Variants in ARL13B observed in about 807,000 individuals in gnomAD.
ARL13B encodes the protein ARF like GTPase 13B, also known as ADP-ribosylation factor-like protein 13B.
In ARL13B, 36 loss-of-function variants were observed where a neutral mutation model predicts 56.1. That is an observed-to-expected ratio of 0.64 (90% CI 0.49 to 0.85). The LOEUF (loss-of-function observed/expected upper bound fraction) is 0.85. Among genes scored for constraint, ARL13B ranks in the 40% least tolerant of loss-of-function variants. The pLI is 0.00. For missense variants in ARL13B, 519 were observed against 507.1 expected (o/e 1.02, Z -0.23); for synonymous variants, 178 against 171.1 (o/e 1.04, Z -0.32).
chr3:94,004,884 G>A (rs949981665), intron 3 of ARL13B, among the ~76,000 whole-genome samples: 1 of 152,024 alleles, frequency 6.6e-6, no homozygotes, highest in African/African-American at 2.4e-5. Flanking sequence ...TTTTAACAGG[G>A]ATATGTATGA....
At chr3:94,024,582 C>G (rs35775946) in intron 3 of ARL13B, among the ~76,000 whole-genome samples, 1 of 151,900 alleles carries the variant, frequency 6.6e-6, no homozygotes, top group Non-Finnish European at 1.5e-5. Context: ...CTTTTTTGGG[C>G]GTGTTGTTTT....
chr3:93,994,433 G>T (rs79950990), intron 1 of ARL13B, among the ~76,000 whole-genome samples: 1,331 of 124,630 alleles, frequency 0.011, 22 homozygotes, highest in African/African-American at 0.038. Flanking sequence ...GCTCTACTCT[G>T]TTTTTTTCCC....
At position 94,039,939 on chromosome 3, in the gene ARL13B, A is replaced by G. The variant is rs1355555359; in HGVS notation, c.749A>G (p.Asp250Gly). ...LDGTSGLAEL[D>G]PEPTNPFQPI... ...GGAACCAGTGGTCTGGCTGAGTTGG[A>G]CCCAGAACCAACGAATCCTTTCCAG... Residue 250 changes from aspartate to glycine, a missense_variant, in exon 6 of 10, where the codon GAC becomes GGC. Transcript: ENST00000394222. 2.5e-6 allele frequency: 4 copies of G among 1,614,002 alleles called. No individual in the cohort carries two copies. The East Asian group carries it at 6.7e-5, about 27-fold the overall frequency.
chr3:94,043,043 A>G lies in ARL13B; in HGVS notation c.827A>G (p.Lys276Arg). ...GAAGGAAAACTTGAAAGAGAGAAAA[A>G]AAACCAAAAAATGGAGAAAGACAGT... ...ENEGKLEREKKNQKMEKDSDG... is the reference protein window; with the variant it reads ...ENEGKLEREKRNQKMEKDSDG... The change falls in exon 7 of 10, where the codon AAA (lysine) becomes AGA (arginine). Residue 276 changes from lysine (K) to arginine (R), a missense_variant. Coordinates refer to ENST00000394222, the MANE Select transcript of ARL13B (RefSeq NM_001174150.2). The G allele has an allele frequency of 6.2e-7, 1 of 1,610,930 alleles. No individual in the cohort carries two copies. Among genetic ancestry groups the G allele is most frequent in the African/African-American group, 1.3e-5 (1 of 74,770 alleles).
At chr3:93,988,786 A>AG in intron 1 of ARL13B, 2 of 341,634 alleles carry the variant, frequency 5.9e-6, no homozygotes, top group African/African-American at 5.3e-5. Flanking sequence ...ATTTGTTTGC[A>AG]TTTTTTTTTT....
intron 2 of ARL13B, among the ~76,000 whole-genome samples, chr3:94,000,934 T>C (rs1015572392): frequency 2.6e-5 from 4 of 152,054 alleles, no homozygotes; most frequent in African/African-American, 4.8e-5. Context: ...GATGGATAAA[T>C]ACATGAAAGG....
intron 9 of ARL13B, among the ~76,000 whole-genome samples, chr3:94,051,205 A>G (rs948089113): frequency 1.3e-5 from 2 of 152,126 alleles, no homozygotes; most frequent in African/African-American, 2.4e-5. Context: ...TAATTTAACT[A>G]TGAGACATTA....
chr3:94,029,347 T>TA (rs1425382954), intron 3 of ARL13B, among the ~76,000 whole-genome samples: 17,612 of 106,416 alleles, frequency 0.17, 2,180 homozygotes, highest in Non-Finnish European at 0.22. Flanking sequence ...TATTTTTTTT[T>TA]TATTTTTTTT....
At chr3:93,985,641 G>T (rs574686769) in intron 1 of ARL13B, among the ~76,000 whole-genome samples, 1 of 152,142 alleles carries the variant, frequency 6.6e-6, no homozygotes, top group South Asian at 2.1e-4. Flanking sequence ...AGTACCATAT[G>T]CCTGCCAGGT....
At chr3:94,015,183 C>CT in intron 3 of ARL13B, 1 of 1,613,700 alleles carries the variant, frequency 6.2e-7, no homozygotes, top group East Asian at 2.2e-5. Flanking sequence ...CCCCTTGTTC[C>CT]TCTGTTTCTG....
chr3:94,053,040 A>G (rs1315485181), intron 9 of ARL13B, 147 bp from the exon 10 acceptor site: 4 of 709,118 alleles, frequency 5.6e-6, no homozygotes, highest in Admixed American at 2.2e-5. Flanking sequence ...GAGAGAAGGA[A>G]ATCTTTTAGA....
intron 3 of ARL13B, among the ~76,000 whole-genome samples, chr3:94,004,950 A>G (rs1217215142): frequency 6.6e-6 from 1 of 152,180 alleles, no homozygotes; most frequent in East Asian, 1.9e-4. Flanking sequence ...ATGTTTAAGC[A>G]GGGAATCAGT....
chr3:94,043,756 C>T (rs549193595), intron 7 of ARL13B, among the ~76,000 whole-genome samples: 12 of 136,488 alleles, frequency 8.8e-5, no homozygotes, highest in Admixed American at 6.0e-4. Context: ...GCCTCGGGCT[C>T]CTGTGATTCT....
chr3:94,035,324 C>G lies in ARL13B; in HGVS notation c.381-7C>G, dbSNP rs1238849803. On this transcript the variant is annotated splice_polypyrimidine_tract_variant and splice_region_variant and intron_variant, in intron 3 of 9. Coordinates refer to ENST00000394222, the MANE Select transcript of ARL13B (RefSeq NM_001174150.2). Reference sequence around the variant, plus strand: ...TGCTGTATAAAAGTACTTTAATTATCTTTCAGGTTGGCAAATAAACAAGAT... The same window carrying G: ...TGCTGTATAAAAGTACTTTAATTATGTTTCAGGTTGGCAAATAAACAAGAT... The G allele has an allele frequency of 6.3e-7, 1 of 1,575,478 alleles. No individual in the cohort carries two copies. Among genetic ancestry groups the G allele is most frequent in the Non-Finnish European group, 8.7e-7 (1 of 1,148,518 alleles).
At chr3:93,984,787 G>T (rs575114000) in intron 1 of ARL13B, among the ~76,000 whole-genome samples, 1 of 152,110 alleles carries the variant, frequency 6.6e-6, no homozygotes. Flanking sequence ...TGGGAAGATC[G>T]CTTGAGCCTA....
At chr3:94,036,850 T>C in intron 5 of ARL13B, 96 bp downstream of exon 5, 4 of 1,371,632 alleles carry the variant, frequency 2.9e-6, no homozygotes, top group Non-Finnish European at 4.0e-6. Context: ...CAGTTTCTTC[T>C]TTCTGTGTGA....
At chr3:94,015,531 A>G (rs1233322028) in intron 3 of ARL13B, among the ~76,000 whole-genome samples, 2 of 152,198 alleles carry the variant, frequency 1.3e-5, no homozygotes, top group Non-Finnish European at 2.9e-5. Context: ...CTGAGAAAGC[A>G]GTGATGCAGA....
intron 7 of ARL13B, among the ~76,000 whole-genome samples, chr3:94,047,565 A>G (rs140203683): frequency 1.9e-3 from 294 of 152,328 alleles, no homozygotes; most frequent in Non-Finnish European, 3.7e-3. Flanking sequence ...TCAACATAAT[A>G]TTTTGTTATT....
At chr3:94,024,866 G>A (rs1049299991) in intron 3 of ARL13B, among the ~76,000 whole-genome samples, 2 of 152,080 alleles carry the variant, frequency 1.3e-5, no homozygotes, top group African/African-American at 2.4e-5. Context: ...GGGATTATAG[G>A]CATGAGCTAG....
Sources: allele counts gnomAD v4.1 joint callset (sites outside exome capture counted in the v4.1 genomes callset), GRCh38; gene constraint gnomAD v4.1.1; transcripts MANE v1.5; gene names NCBI Gene and HGNC (gene_info 2026-07-23, HGNC 2026-07-21).